FAT4: variants seen among roughly 807,000 people sequenced by gnomAD.
FAT4 encodes the protein protocadherin Fat 4.
FAT4 carries 84 observed loss-of-function variants against 303.9 expected under a neutral mutation model. The observed-to-expected ratio is 0.28, with a 90% CI of 0.23 to 0.33. FAT4 has a LOEUF of 0.33. Among genes scored for constraint, FAT4 ranks in the 10% least tolerant of loss-of-function variants. The probability of loss-of-function intolerance (pLI) is 1.00; values close to 1 mark genes in which losing one functional copy is unlikely to be tolerated. For missense variants in FAT4, 6,005 were observed against 6,146.8 expected (o/e 0.98, Z 0.77); for synonymous variants, 2,307 against 2,298.8 (o/e 1.00, Z -0.10).
At position 125,319,257 on chromosome 4, in the gene FAT4, T is replaced by C. The variant is rs750474097; in HGVS notation, c.2846T>C (p.Ile949Thr). 1.2e-6 allele frequency: 2 copies of C among 1,614,138 alleles called. No individual in the cohort carries two copies. The highest frequency in any genetic ancestry group is 1.7e-6 in the Non-Finnish European group (2 of 1,180,020). Residue 949 changes from isoleucine (I) to threonine (T), a missense_variant, in exon 2 of 18, where the codon ATT (isoleucine) becomes ACT (threonine). Ile to Thr is a moderately conservative substitution (Grantham distance 89). Transcript: ENST00000394329. Reference sequence around the variant, plus strand: ...GCTATCAATGAAAAGAATGGCACTATTAGTCTGCTTGGGCCCCTGGATGTT... The same window carrying C: ...GCTATCAATGAAAAGAATGGCACTACTAGTCTGCTTGGGCCCCTGGATGTT... ...LFAINEKNGT[I>T]SLLGPLDVHA...
intron 7 of FAT4, among the ~76,000 whole-genome samples, chr4:125,417,159 A>C (rs1025388045): frequency 6.6e-6 from 1 of 152,142 alleles, no homozygotes; most frequent in Admixed American, 6.5e-5. Context: ...TATTCCCATA[A>C]AACAGAATGA....
intron 8 of FAT4, among the ~76,000 whole-genome samples, chr4:125,434,922 A>G (rs1725402753): frequency 6.6e-6 from 1 of 152,190 alleles, no homozygotes; most frequent in Non-Finnish European, 1.5e-5. Context: ...AAGAGCCACA[A>G]GTGAAAGCTC....
chr4:125,389,376 G>A (rs4349616), intron 2 of FAT4, among the ~76,000 whole-genome samples: 48,324 of 151,796 alleles, frequency 0.32, 9,327 homozygotes, highest in Non-Finnish European at 0.43. Flanking sequence ...GTGAAATAAC[G>A]TAATAAAATG....
At chr4:125,440,142 A>T (rs558676722) in intron 8 of FAT4, among the ~76,000 whole-genome samples, 1 of 152,236 alleles carries the variant, frequency 6.6e-6, no homozygotes, top group East Asian at 1.9e-4. Flanking sequence ...GGTACATAAC[A>T]GTGGTTGTCA....
At chr4:125,456,711 C>T (rs956020506) in intron 10 of FAT4, among the ~76,000 whole-genome samples, 1 of 152,088 alleles carries the variant, frequency 6.6e-6, no homozygotes, top group African/African-American at 2.4e-5. Flanking sequence ...TTTACCTAGT[C>T]TCTGCCAGAT....
chr4:125,453,662 C>T (rs1190123943), intron 10 of FAT4, among the ~76,000 whole-genome samples: 1 of 150,984 alleles, frequency 6.6e-6, no homozygotes, highest in Non-Finnish European at 1.5e-5. Flanking sequence ...GCCGAGATCG[C>T]GTCACTGCAC....
In FAT4 at chr4:125,451,950, A is replaced by G. The variant is rs780015426; in HGVS notation, c.10940A>G (p.Asp3647Gly). ...SVKPQDPDVL[D>G]SFHCSLTSGV... ...AAGCCACAGGATCCAGATGTGTTAG[A>G]CAGCTTCCACTGCTCCCTTACTTCA... The change falls in exon 10 of 18, where the codon GAC becomes GGC. Residue 3647 changes from aspartate to glycine, a missense_variant. Transcript: ENST00000394329. The G allele has an allele frequency of 2.5e-5, 40 of 1,613,976 alleles. No homozygotes were observed. Among genetic ancestry groups the G allele is most frequent in the Non-Finnish European group, 3.2e-5 (38 of 1,180,012 alleles).
intron 2 of FAT4, among the ~76,000 whole-genome samples, chr4:125,336,417 A>G (rs964118917): frequency 1.4e-4 from 22 of 152,168 alleles, no homozygotes; most frequent in African/African-American, 5.3e-4. Flanking sequence ...AGTGTCAGAT[A>G]CTGAAGTTAT....
At position 125,350,180 on chromosome 4, in the gene FAT4, CACTTTAGAGCCAGTTGGA is replaced by C. The variant is rs566154230; in HGVS notation, c.5175+28595_5175+28612del. On this transcript the variant is annotated intron_variant, in intron 2 of 17. Coordinates refer to ENST00000394329, the MANE Select transcript of FAT4 (RefSeq NM_001291303.3). ...TTGATTTAAAGTGCAGCAATTCATGCACTTTAGAGCCAGTTGGATGCCAAAGTAACTTGGTTGGTGTTT... is the reference window on the plus strand; with the variant it reads ...TTGATTTAAAGTGCAGCAATTCATGCTGCCAAAGTAACTTGGTTGGTGTTT... Among the ~76,000 whole-genome samples, 1,489 of 151,816 alleles carry C rather than the reference CACTTTAGAGCCAGTTGGA, an allele frequency of 9.8e-3. 9 individuals are homozygous for C. The highest frequency in any genetic ancestry group is 0.017 in the Non-Finnish European group (1,150 of 67,782).
chr4:125,450,015 C>G lies in FAT4; in HGVS notation c.9005C>G (p.Thr3002Arg). 6.2e-7 allele frequency: 1 copy of G among 1,613,698 alleles called. No homozygotes were observed. Among genetic ancestry groups the G allele is most frequent in the African/African-American group, 1.3e-5 (1 of 74,954 alleles). Residue 3002 changes from threonine (T) to arginine (R), a missense_variant, in exon 10 of 18, where the codon ACG becomes AGG. Coordinates refer to ENST00000394329, the MANE Select transcript of FAT4 (RefSeq NM_001291303.3). ...TPVTKNVKVG[T>R]KLIRVTAIDD... is the part of the protein sequence containing the mutation. ...GTCACCAAAAATGTTAAGGTTGGTACGAAGTTAATCAGAGTTACAGCAATA... is the reference window on the plus strand; with the variant it reads ...GTCACCAAAAATGTTAAGGTTGGTAGGAAGTTAATCAGAGTTACAGCAATA...
intron 3 of FAT4, 76 bp downstream of exon 3, chr4:125,398,991 A>T (rs1022031801): frequency 6.6e-6 from 9 of 1,353,462 alleles, no homozygotes; most frequent in Non-Finnish European, 9.5e-6. Flanking sequence ...TATGTTGACT[A>T]CTTTTATTAC....
At chr4:125,402,458 A>G (rs1386534569) in intron 3 of FAT4, among the ~76,000 whole-genome samples, 1 of 152,038 alleles carries the variant, frequency 6.6e-6, no homozygotes, top group Non-Finnish European at 1.5e-5. Context: ...ATAAAATTAC[A>G]ATAAATACGT....
chr4:125,477,377 C>CA, intron 14 of FAT4, 43 bp downstream of exon 14: 3 of 1,473,410 alleles, frequency 2.0e-6, no homozygotes, highest in Non-Finnish European at 2.7e-6. Flanking sequence ...AAAAAAAATG[C>CA]AAAAAAGTAT....
At chr4:125,382,312 G>A (rs1288939149) in intron 2 of FAT4, among the ~76,000 whole-genome samples, 1 of 152,112 alleles carries the variant, frequency 6.6e-6, no homozygotes, top group Non-Finnish European at 1.5e-5. Context: ...CATAAGACTT[G>A]AAAGTTTAGA....
At position 125,416,569 on chromosome 4, in the gene FAT4, T is replaced by C; in HGVS notation, c.6965T>C (p.Leu2322Pro). 1 of 1,614,006 alleles carries C rather than the reference T, an allele frequency of 6.2e-7. No individual in the cohort carries two copies. The highest frequency in any genetic ancestry group is 8.5e-7 in the Non-Finnish European group (1 of 1,179,906). The change falls in exon 7 of 18, where the codon CTG becomes CCG. Residue 2322 changes from leucine (L) to proline (P), a missense_variant. Leu to Pro is a moderately conservative substitution (Grantham distance 98). Coordinates refer to ENST00000394329, the MANE Select transcript of FAT4 (RefSeq NM_001291303.3). The stretch of plus-strand genomic sequence containing the variant: ...GGAGAACTTGGAGTAACACAGAGTC[T>C]GGATCGGGAAACAAAAGAGCGCTTT... ...ASGELGVTQS[L>P]DRETKERFVL...
At position 125,319,511 on chromosome 4, in the gene FAT4, A is replaced by T. The variant is rs755851071; in HGVS notation, c.3100A>T (p.Thr1034Ser). The change falls in exon 2 of 18, where the codon ACC becomes TCC. Residue 1034 changes from threonine (T) to serine (S), a missense_variant. Transcript: ENST00000394329. ...AGGAGCAAATGGTGAAATTGCATACACCATTGCTGAAGGAAATACAGGGGA... is the reference window on the plus strand; with the variant it reads ...AGGAGCAAATGGTGAAATTGCATACTCCATTGCTGAAGGAAATACAGGGGA... ...DSGANGEIAY[T>S]IAEGNTGDAF... 3 of 1,614,122 alleles carry T rather than the reference A, an allele frequency of 1.9e-6. No homozygotes were observed. Among genetic ancestry groups the T allele is most frequent in the Non-Finnish European group, 2.5e-6 (3 of 1,179,990 alleles).
intron 3 of FAT4, among the ~76,000 whole-genome samples, chr4:125,406,182 G>T (rs1013974205): frequency 6.6e-6 from 1 of 152,078 alleles, no homozygotes; most frequent in Admixed American, 6.6e-5. Flanking sequence ...ATTGATATTT[G>T]TGTATAATGT....
intron 5 of FAT4, among the ~76,000 whole-genome samples, chr4:125,411,557 T>C (rs1249390020): frequency 6.6e-6 from 1 of 151,742 alleles, no homozygotes; most frequent in Non-Finnish European, 1.5e-5. Context: ...GAAACTGCTT[T>C]ATAAAGATGG....
intron 2 of FAT4, among the ~76,000 whole-genome samples, chr4:125,377,714 G>T (rs1044409146): frequency 2.6e-5 from 4 of 152,022 alleles, no homozygotes; most frequent in African/African-American, 9.7e-5. Context: ...AAAGTTAAAA[G>T]CTGTTCTAAT....
Sources: gnomAD v4.1 joint callset for allele counts (sites outside exome capture counted in the v4.1 genomes callset) on GRCh38, gnomAD v4.1.1 for gene constraint, MANE v1.5 for transcripts, NCBI Gene and HGNC (gene_info 2026-07-23, HGNC 2026-07-21) for gene names.